GPC5: variants seen among roughly 807,000 people sequenced by gnomAD.
GPC5 encodes glypican-5.
Under a neutral mutation model 53.9 loss-of-function variants are expected in GPC5, and 47 were observed. That is an observed-to-expected ratio of 0.87 (90% CI 0.69 to 1.11). The LOEUF (loss-of-function observed/expected upper bound fraction) is 1.11, where lower values mean the gene tolerates loss of function less well. Ranked by LOEUF, GPC5 falls within the 50% of genes most tolerant of loss-of-function variation. The pLI, the probability that GPC5 is intolerant of heterozygous loss-of-function variation, is 0.00. For synonymous variants in GPC5, 286 were observed against 263.3 expected (o/e 1.09, Z -0.84); for missense variants, 748 against 713.1 (o/e 1.05, Z -0.56).
chr13:91,811,835 TA>T (rs770822758), intron 5 of GPC5, among the ~76,000 whole-genome samples: 46 of 152,336 alleles, frequency 3.0e-4, no homozygotes, highest in Middle Eastern at 6.8e-3. Flanking sequence ...TATGAATCTG[TA>T]GCTTAAAAGC....
chr13:91,815,033 T>G (rs2038379050), intron 5 of GPC5, among the ~76,000 whole-genome samples: 1 of 152,082 alleles, frequency 6.6e-6, no homozygotes, highest in Non-Finnish European at 1.5e-5. Flanking sequence ...ATGAGACCAA[T>G]AAGCCTGCAA....
chr13:91,667,440 A>G (rs1411102995), intron 2 of GPC5, among the ~76,000 whole-genome samples: 3 of 152,200 alleles, frequency 2.0e-5, no homozygotes, highest in African/African-American at 7.2e-5. Context: ...GGAAGCATGG[A>G]TGATACAGTT....
intron 7 of GPC5, among the ~76,000 whole-genome samples, chr13:92,508,709 G>A (rs2138947999): frequency 6.6e-6 from 1 of 152,186 alleles, no homozygotes; most frequent in Middle Eastern, 3.4e-3. Context: ...ATGTTAGCTG[G>A]AGGCCCACTC....
At chr13:92,406,187 A>C (rs1160681645) in intron 7 of GPC5, among the ~76,000 whole-genome samples, 1 of 152,242 alleles carries the variant, frequency 6.6e-6, no homozygotes, top group Non-Finnish European at 1.5e-5. Flanking sequence ...ATTTCACTTC[A>C]CATAAATGGG....
At chr13:92,203,798 G>A (rs1180850001) in intron 7 of GPC5, among the ~76,000 whole-genome samples, 7 of 146,866 alleles carry the variant, frequency 4.8e-5, no homozygotes, top group Non-Finnish European at 7.4e-5. Flanking sequence ...TCGATGACTC[G>A]CAGGCAGAAT....
intron 2 of GPC5, among the ~76,000 whole-genome samples, chr13:91,630,080 A>G (rs1034694388): frequency 6.6e-6 from 1 of 152,202 alleles, no homozygotes; most frequent in Non-Finnish European, 1.5e-5. Context: ...AGATCAAAGA[A>G]TGACTCCTTG....
At chr13:91,589,724 A>T (rs1164897292) in intron 2 of GPC5, among the ~76,000 whole-genome samples, 3 of 152,176 alleles carry the variant, frequency 2.0e-5, no homozygotes, top group African/African-American at 7.2e-5. Context: ...GAGTTGCCTT[A>T]TGAGGATCTG....
intron 7 of GPC5, among the ~76,000 whole-genome samples, chr13:92,194,360 C>T (rs1458130558): frequency 6.6e-6 from 1 of 152,140 alleles, no homozygotes; most frequent in Non-Finnish European, 1.5e-5. Flanking sequence ...GGCTCTCCCT[C>T]ATAAAAACAC....
At chr13:91,621,705 G>T (rs1270307980) in intron 2 of GPC5, among the ~76,000 whole-genome samples, 1 of 146,818 alleles carries the variant, frequency 6.8e-6, no homozygotes, top group African/African-American at 2.6e-5. Flanking sequence ...TCATTCTAAT[G>T]GGAGAATTGT....
intron 7 of GPC5, among the ~76,000 whole-genome samples, chr13:92,483,094 G>A (rs1320389688): frequency 6.6e-6 from 1 of 152,170 alleles, no homozygotes; most frequent in Non-Finnish European, 1.5e-5. Context: ...GAACAGTATG[G>A]AGGAAACCGT....
chr13:91,845,196 TC>T (rs979911440), intron 5 of GPC5, among the ~76,000 whole-genome samples: 19 of 130,206 alleles, frequency 1.5e-4, no homozygotes, highest in African/African-American at 4.4e-4. Context: ...TCTTTATGTT[TC>T]TATTTTTGTT....
chr13:91,857,700 T>C (rs2038981875), intron 5 of GPC5, among the ~76,000 whole-genome samples: 2 of 151,280 alleles, frequency 1.3e-5, no homozygotes, highest in African/African-American at 2.4e-5. Flanking sequence ...CCCAACTATA[T>C]ATTGAATGGA....
intron 7 of GPC5, among the ~76,000 whole-genome samples, chr13:92,688,366 G>A (rs1284129823): frequency 5.3e-5 from 3 of 56,886 alleles, no homozygotes; most frequent in Non-Finnish European, 3.1e-5. Flanking sequence ...GGTGTTTGTA[G>A]TATTCTCTGA....
At chr13:92,382,595 C>T (rs1483045648) in intron 7 of GPC5, among the ~76,000 whole-genome samples, 1 of 152,060 alleles carries the variant, frequency 6.6e-6, no homozygotes, top group African/African-American at 2.4e-5. Context: ...CTCCCTATAT[C>T]AACAACAATT....
intron 7 of GPC5, among the ~76,000 whole-genome samples, chr13:92,617,760 T>C (rs900335320): frequency 1.3e-5 from 2 of 152,210 alleles, no homozygotes; most frequent in Non-Finnish European, 2.9e-5. Context: ...TGAATATAAT[T>C]ACTACACTTT....
chr13:91,726,376 T>C (rs1286063905), intron 3 of GPC5, among the ~76,000 whole-genome samples: 3 of 152,192 alleles, frequency 2.0e-5, no homozygotes, highest in Non-Finnish European at 2.9e-5. Flanking sequence ...ACTTCTACAG[T>C]GCGGCCTCAT....
intron 6 of GPC5, among the ~76,000 whole-genome samples, chr13:91,927,771 T>A (rs2039782952): frequency 6.6e-6 from 1 of 152,188 alleles, no homozygotes; most frequent in African/African-American, 2.4e-5. Context: ...ATGGTGTAGC[T>A]ACATGGTATA....
chr13:91,888,147 TGTA>T (rs1484665141), intron 5 of GPC5, among the ~76,000 whole-genome samples: 7 of 152,114 alleles, frequency 4.6e-5, no homozygotes, highest in African/African-American at 1.7e-4. Flanking sequence ...TGGCAGAAGA[TGTA>T]GGAGGAGCAA....
intron 7 of GPC5, among the ~76,000 whole-genome samples, chr13:92,556,782 C>T (rs1483629387): frequency 6.6e-6 from 1 of 151,776 alleles, no homozygotes; most frequent in African/African-American, 2.4e-5. Context: ...ATCATATGTT[C>T]TTAAAACGGT....
Sources: gnomAD v4.1 joint callset for allele counts (sites outside exome capture counted in the v4.1 genomes callset) on GRCh38, gnomAD v4.1.1 for gene constraint, MANE v1.5 for transcripts, NCBI Gene and HGNC (gene_info 2026-07-23, HGNC 2026-07-21) for gene names.